MAPKAPK3: variants seen among roughly 807,000 people sequenced by gnomAD.
The protein encoded by MAPKAPK3 is MAPK activated protein kinase 3.
A neutral mutation model predicts 49.2 loss-of-function variants in MAPKAPK3; 35 were observed. The ratio of observed to expected loss-of-function variants is 0.71; its 90% CI spans 0.54 to 0.94. The LOEUF (loss-of-function observed/expected upper bound fraction) is 0.94, where lower values mean the gene tolerates loss of function less well. Among genes scored for constraint, MAPKAPK3 ranks in the 40% least tolerant of loss-of-function variants. The pLI, the probability that MAPKAPK3 is intolerant of heterozygous loss-of-function variation, is 0.00. For missense variants in MAPKAPK3, 398 were observed against 493.1 expected, an observed-to-expected ratio of 0.81 and a Z score of 1.83; for synonymous variants, 178 against 188.7, an observed-to-expected ratio of 0.94 and a Z score of 0.46.
intron 2 of MAPKAPK3, among the ~76,000 whole-genome samples, chr3:50,627,230 G>A (rs560637695): frequency 6.7e-6 from 1 of 150,256 alleles, no homozygotes; most frequent in Non-Finnish European, 1.5e-5. Flanking sequence ...GCTCTGCTTG[G>A]CAAAGGCCTC....
Position 50,645,882 on chromosome 3 carries a change from T to G in MAPKAPK3, c.704+97T>G. ...TGTCCCCCCACCCCCATGTCCTTGG[T>G]GAGGAGCTTGTGTGTGTCACTCCTC... On this transcript the variant is annotated intron_variant, in intron 7 of 10. Transcript: ENST00000621469. 9.6e-6 allele frequency: 11 copies of G among 1,151,068 alleles called. No individual in the cohort carries two copies. In the South Asian group the frequency reaches 1.4e-4, roughly 15 times the overall value. The allele number at this position is 1,151,068 out of a possible 1,614,324, so 71.3% of individuals were successfully genotyped here. A position where few individuals can be genotyped will look rare whatever the true frequency, so the allele number is the denominator to read the frequency against.
At position 50,647,128 on chromosome 3, in the gene MAPKAPK3, G is replaced by A. The variant is rs568185621; in HGVS notation, c.921G>A (p.Ser307=). 6.3e-6 allele frequency: 10 copies of A among 1,582,824 alleles called. No individual in the cohort carries two copies. In the African/African-American group the frequency reaches 9.4e-5, roughly 15 times the overall value. Reference sequence around the variant, plus strand: ...GGGCGTGGGGCTCCTTCCAGCAATCGATGGTAGTGCCACAGACCCCACTCC... The same window carrying A: ...GGGCGTGGGGCTCCTTCCAGCAATCAATGGTAGTGCCACAGACCCCACTCC... ...QFMNHPWINQ[S]MVVPQTPLHT... is the part of the protein sequence containing the mutation. The change falls in exon 10 of 11, where the codon TCG becomes TCA. Residue 307 remains serine, a synonymous_variant. Coordinates refer to ENST00000621469, the MANE Select transcript of MAPKAPK3 (RefSeq NM_001243925.2).
intron 4 of MAPKAPK3, 85 bp from the exon 5 acceptor site, chr3:50,642,168 G>T: frequency 1.1e-6 from 1 of 896,844 alleles, no homozygotes; most frequent in Non-Finnish European, 1.9e-6. Context: ...GTGCTGGCCT[G>T]TTAGACTGTG....
At chr3:50,634,507 G>A (rs1379393157) in intron 2 of MAPKAPK3, among the ~76,000 whole-genome samples, 1 of 148,280 alleles carries the variant, frequency 6.7e-6, no homozygotes, top group Non-Finnish European at 1.5e-5. Flanking sequence ...TTTTTTTTCT[G>A]AGGCAAAGTC....
chr3:50,628,882 C>T (rs1252610719), intron 2 of MAPKAPK3, among the ~76,000 whole-genome samples: 1 of 152,206 alleles, frequency 6.6e-6, no homozygotes, highest in Non-Finnish European at 1.5e-5. Flanking sequence ...GCCATGGTCA[C>T]ACATTTTGCA....
upstream of MAPKAPK3, chr3:50,612,833 C>G (rs1458228477): frequency 6.6e-6 from 1 of 152,098 alleles, no homozygotes; most frequent in Non-Finnish European, 1.5e-5. Context: ...TAGTAACACT[C>G]GCTCTTATCT....
In MAPKAPK3 at chr3:50,642,337, G is replaced by C; in HGVS notation, c.504+5G>C. On this transcript the variant is annotated splice_donor_5th_base_variant and intron_variant, in intron 5 of 10. Coordinates refer to ENST00000621469, the MANE Select transcript of MAPKAPK3 (RefSeq NM_001243925.2). ...ATTGCCCACCGAGATGTCAAGGTGA[G>C]GCTCCAGGATTCAGGTTGGGGGCCC... 6.2e-7 allele frequency: 1 copy of C among 1,611,134 alleles called. No individual in the cohort carries two copies. The highest frequency in any genetic ancestry group is 1.1e-5 in the South Asian group (1 of 91,020).
At chr3:50,628,403 A>G (rs2032814448) in intron 2 of MAPKAPK3, among the ~76,000 whole-genome samples, 1 of 152,234 alleles carries the variant, frequency 6.6e-6, no homozygotes, top group Non-Finnish European at 1.5e-5. Flanking sequence ...CTGATGGGAC[A>G]TTATTTCTGA....
intron 2 of MAPKAPK3, among the ~76,000 whole-genome samples, chr3:50,635,304 G>A (rs2033006741): frequency 6.6e-6 from 1 of 152,028 alleles, no homozygotes; most frequent in African/African-American, 2.4e-5. Flanking sequence ...TCAACAGAGA[G>A]GGTAGGTGAG....
intron 2 of MAPKAPK3, among the ~76,000 whole-genome samples, chr3:50,620,917 A>G (rs1429064441): frequency 1.3e-5 from 2 of 152,202 alleles, no homozygotes; most frequent in African/African-American, 4.8e-5. Flanking sequence ...TAGTACCTTC[A>G]GCTTTCCCTC....
chr3:50,642,191 G>A, intron 4 of MAPKAPK3, 62 bp from the exon 5 acceptor site: 2 of 1,085,162 alleles, frequency 1.8e-6, no homozygotes, highest in Non-Finnish European at 2.9e-6. Context: ...CAGGAGGGAT[G>A]ATAGGGTGGG....
chr3:50,648,125 C>A lies in MAPKAPK3; in HGVS notation c.*79C>A. On this transcript the variant is annotated 3_prime_UTR_variant, in exon 11 of 11. Coordinates refer to ENST00000621469, the MANE Select transcript of MAPKAPK3 (RefSeq NM_001243925.2). ...GTGCTCAGGCCCTGGCCAGGAGGGC[C>A]CAGGGTCATTCTTTTAACAAAAGGA... 7.1e-7 allele frequency: 1 copy of A among 1,405,410 alleles called. No individual in the cohort carries two copies. The highest frequency in any genetic ancestry group is 1.3e-5 in the South Asian group (1 of 74,120). 87.1% of individuals were successfully genotyped at this position (1,405,410 alleles called of 1,614,324 possible). A position where few individuals can be genotyped will look rare whatever the true frequency, so the allele number is the denominator to read the frequency against.
rs149156272 is a variant in MAPKAPK3, at chr3:50,621,822, T to C, written c.219+4038T>C. 7.5e-3 allele frequency among the ~76,000 whole-genome samples: 1,142 copies of C among 152,248 alleles called. 7 individuals carry two copies. The highest frequency in any genetic ancestry group is 0.011 in the African/African-American group (451 of 41,536). ...AAAAGGCCTTATGGAGACATAATGG[T>C]GGGGTCTTCTTTCCTGCCCCTGTGT... On this transcript the variant is annotated intron_variant, in intron 2 of 10. Coordinates refer to ENST00000621469, the MANE Select transcript of MAPKAPK3 (RefSeq NM_001243925.2).
rs1252492854 is a variant in MAPKAPK3 at position 50,617,157 on chromosome 3, G to C, written c.-137G>C. 1.3e-5 allele frequency: 2 copies of C among 154,626 alleles called. No individual in the cohort carries two copies. Among genetic ancestry groups the C allele is most frequent in the Non-Finnish European group, 2.8e-5 (2 of 70,226 alleles). The allele number at this position is 154,626 out of a possible 1,614,324, so 9.6% of individuals were successfully genotyped here. A position where few individuals can be genotyped will look rare whatever the true frequency, so the allele number is the denominator to read the frequency against. ...CGTGGGCGCCGGCAGCGCGACTCTC[G>C]GCCCTGGGATTTCTGCGGCCGCCAG... On this transcript the variant is annotated 5_prime_UTR_variant, in exon 1 of 11. Transcript: ENST00000621469.
At position 50,647,114 on chromosome 3, in the gene MAPKAPK3, T is replaced by C; in HGVS notation, c.916-9T>C. On this transcript the variant is annotated splice_polypyrimidine_tract_variant and intron_variant, in intron 9 of 10. Transcript: ENST00000621469. ...AGTTTCTAATCCACGGGCGTGGGGC[T>C]CCTTCCAGCAATCGATGGTAGTGCC... 1 of 1,569,056 alleles carries C rather than the reference T, an allele frequency of 6.4e-7. No homozygotes were observed. Among genetic ancestry groups the C allele is most frequent in the Non-Finnish European group, 8.6e-7 (1 of 1,156,614 alleles).
intron 2 of MAPKAPK3, among the ~76,000 whole-genome samples, chr3:50,627,924 AG>A (rs1480983543): frequency 6.6e-6 from 1 of 152,130 alleles, no homozygotes; most frequent in Middle Eastern, 3.2e-3. Flanking sequence ...GTACTCACCC[AG>A]GCCTGTGTGG....
At position 50,644,532 on chromosome 3, in the gene MAPKAPK3, G is replaced by A. The variant is rs1302247089; in HGVS notation, c.628G>A (p.Ala210Thr). 6.2e-7 allele frequency: 1 copy of A among 1,613,970 alleles called. No individual in the cohort carries two copies. The highest frequency in any genetic ancestry group is 2.2e-5 in the East Asian group (1 of 44,880). Reference protein sequence around the residue: ...QTPCYTPYYVAPEVLGPEKYD... With the variant: ...QTPCYTPYYVTPEVLGPEKYD... The stretch of plus-strand genomic sequence containing the variant: ...ACCCTGCTATACTCCCTATTATGTG[G>A]GTGAGTCCTTCGGACATGAGTTGTA... Residue 210 changes from alanine (A) to threonine (T), a missense_variant and splice_region_variant, in exon 6 of 11, where the codon GCC (alanine) becomes ACC (threonine). Around this residue, in one of 5 missense-constraint regions of MAPKAPK3, gnomAD observed 30 missense variants for 70.5 expected, o/e 0.43. Transcript: ENST00000621469.
rs1272315001 is a variant in MAPKAPK3, at chr3:50,617,628, A to T, written c.63A>T (p.Gly21=). The change falls in exon 2 of 11, where the codon GGA becomes GGT. Residue 21 remains glycine, a synonymous_variant. Coordinates refer to ENST00000621469, the MANE Select transcript of MAPKAPK3 (RefSeq NM_001243925.2). ...GPVPPPVAPG[G]PGLGGAPGGR... Reference sequence around the variant, plus strand: ...TGCCCCCGCCAGTTGCACCCGGCGGACCCGGCTTGGGCGGTGCTCCGGGGG... The same window carrying T: ...TGCCCCCGCCAGTTGCACCCGGCGGTCCCGGCTTGGGCGGTGCTCCGGGGG... 6.2e-7 allele frequency: 1 copy of T among 1,607,962 alleles called. No homozygotes were observed. Among genetic ancestry groups the T allele is most frequent in the South Asian group, 1.1e-5 (1 of 90,938 alleles).
chr3:50,623,582 C>G (rs921418911), intron 2 of MAPKAPK3, among the ~76,000 whole-genome samples: 11 of 152,194 alleles, frequency 7.2e-5, no homozygotes, highest in African/African-American at 2.7e-4. Flanking sequence ...TTTTTCAGAG[C>G]ATTCTGCCCA....
Sources: gnomAD v4.1 joint callset for allele counts (sites outside exome capture counted in the v4.1 genomes callset) on GRCh38, gnomAD v4.1.1 for gene constraint, gnomAD v4.1.1 regional missense constraint, MANE v1.5 for transcripts, NCBI Gene and HGNC (gene_info 2026-07-23, HGNC 2026-07-21) for gene names.